The following PTPRN2 variants were observed in gnomAD, a reference collection of about 807,000 sequenced individuals.
PTPRN2 encodes the protein protein tyrosine phosphatase receptor type N2.
In PTPRN2, 74 loss-of-function variants were observed where a neutral mutation model predicts 118.8. That is an observed-to-expected ratio of 0.62 (90% CI 0.52 to 0.76). The LOEUF (loss-of-function observed/expected upper bound fraction) is 0.76, where lower values mean the gene tolerates loss of function less well. Among genes scored for constraint, PTPRN2 ranks in the 30% least tolerant of loss-of-function variants. The pLI is 0.00. For missense variants in PTPRN2, 1,481 were observed against 1,394.4 expected (o/e 1.06, Z -0.99); for synonymous variants, 641 against 608.0 (o/e 1.05, Z -0.80).
chr7:158,365,866 T>G (rs1809435320), intron 2 of PTPRN2, among the ~76,000 whole-genome samples: 2 of 40,222 alleles, frequency 5.0e-5, no homozygotes, highest in African/African-American at 7.3e-5. Flanking sequence ...ACACACAGCA[T>G]CCCTGGGAGA....
intron 15 of PTPRN2, among the ~76,000 whole-genome samples, chr7:157,607,225 A>C (rs1802055287): frequency 6.6e-6 from 1 of 152,190 alleles, no homozygotes; most frequent in Admixed American, 6.5e-5. Context: ...CCCCACACAC[A>C]CTACTCCAAA....
At chr7:158,307,437 G>A (rs137949719) in intron 3 of PTPRN2, among the ~76,000 whole-genome samples, 24 of 152,214 alleles carry the variant, frequency 1.6e-4, no homozygotes, top group African/African-American at 5.5e-4. Flanking sequence ...AGAAACCTGT[G>A]AGAGACCATC....
At chr7:158,314,868 A>G (rs1236892819) in intron 3 of PTPRN2, among the ~76,000 whole-genome samples, 1 of 148,422 alleles carries the variant, frequency 6.7e-6, no homozygotes, top group African/African-American at 2.5e-5. Flanking sequence ...CCCCTGTAGG[A>G]CAGAGGTGAA....
rs111823135 is a variant in PTPRN2, at chr7:158,125,563, G to C, written c.1556+8114C>G. 1.4e-3 allele frequency among the ~76,000 whole-genome samples: 218 copies of C among 152,126 alleles called. 1 individual carries two copies. Among genetic ancestry groups the C allele is most frequent in the African/African-American group, 4.6e-3 (192 of 41,488 alleles). ...GCAACCGTGAACATGTTTACCCATC[G>C]GGGCTATAACCCCACACCACCTGAA... On this transcript the variant is annotated intron_variant, in intron 9 of 22. Transcript: ENST00000389418.
At chr7:158,424,718 C>T (rs1476864415) in intron 2 of PTPRN2, among the ~76,000 whole-genome samples, 1 of 152,268 alleles carries the variant, frequency 6.6e-6, no homozygotes, top group African/African-American at 2.4e-5. Flanking sequence ...AGTGGCCATG[C>T]ATGTGCCGCA....
At chr7:157,820,421 A>C (rs1449751795) in intron 12 of PTPRN2, among the ~76,000 whole-genome samples, 1 of 151,016 alleles carries the variant, frequency 6.6e-6, no homozygotes, top group African/African-American at 2.4e-5. Context: ...TCACACATGC[A>C]CTCCACACAC....
At chr7:157,851,720 G>A (rs557485254) in intron 12 of PTPRN2, among the ~76,000 whole-genome samples, 3 of 152,366 alleles carry the variant, frequency 2.0e-5, no homozygotes, top group East Asian at 1.9e-4. Flanking sequence ...CAATCAGGCC[G>A]TGTGGAGGCA....
At chr7:158,296,230 T>C (rs4412322) in intron 3 of PTPRN2, among the ~76,000 whole-genome samples, 145,379 of 152,118 alleles carry the variant, frequency 0.96, 69,527 homozygotes, top group African/African-American at 0.97. Flanking sequence ...AAGACCCTAG[T>C]GGGCAAAGAC....
At chr7:157,637,372 A>G (rs1441251215) in intron 14 of PTPRN2, among the ~76,000 whole-genome samples, 1 of 152,232 alleles carries the variant, frequency 6.6e-6, no homozygotes, top group Non-Finnish European at 1.5e-5. Flanking sequence ...TAAAGTGAAC[A>G]GCAGCCCCTG....
chr7:157,921,246 G>T (rs1798677059), intron 11 of PTPRN2, among the ~76,000 whole-genome samples: 1 of 152,212 alleles, frequency 6.6e-6, no homozygotes, highest in Non-Finnish European at 1.5e-5. Context: ...CACACTGCAT[G>T]ATTCCAACGC....
At chr7:158,259,462 A>G (rs1484262965) in intron 3 of PTPRN2, among the ~76,000 whole-genome samples, 1 of 152,170 alleles carries the variant, frequency 6.6e-6, no homozygotes, top group Admixed American at 6.5e-5. Context: ...CCCCTGGGAA[A>G]AGCCTAAAGG....
intron 11 of PTPRN2, among the ~76,000 whole-genome samples, chr7:157,949,762 A>C (rs1183351167): frequency 2.0e-5 from 3 of 152,218 alleles, no homozygotes. Context: ...CAAACAGTAA[A>C]TTTATTTGAA....
rs1318844045 is a variant in PTPRN2 at position 158,092,258 on chromosome 7, G to A, written c.1644-10881C>T. 9.0e-5 allele frequency among the ~76,000 whole-genome samples: 13 copies of A among 144,134 alleles called. No individual in the cohort carries two copies. The East Asian group carries it at 2.7e-3, about 30-fold the overall frequency. 94.6% of individuals were successfully genotyped at this position (144,134 alleles called of 152,430 possible). A position where few individuals can be genotyped will look rare whatever the true frequency, so the allele number is the denominator to read the frequency against. ...TATATATGCATACATATATACATGT[G>A]CATATATATACATATATGTGTGTGT... On this transcript the variant is annotated intron_variant, in intron 10 of 22. Transcript: ENST00000389418.
chr7:158,530,436 G>A (rs139270991), intron 1 of PTPRN2, among the ~76,000 whole-genome samples: 240 of 152,302 alleles, frequency 1.6e-3, no homozygotes, highest in Admixed American at 2.7e-3. Flanking sequence ...GACATCCCAC[G>A]CCGGCCTCCC....
chr7:157,821,638 C>T (rs1806846596), intron 12 of PTPRN2, among the ~76,000 whole-genome samples: 1 of 152,180 alleles, frequency 6.6e-6, no homozygotes, highest in African/African-American at 2.4e-5. Context: ...ACCATGAAAT[C>T]ACAGCTGGCC....
intron 2 of PTPRN2, among the ~76,000 whole-genome samples, chr7:158,338,552 A>T (rs1413399844): frequency 6.1e-5 from 7 of 114,912 alleles, no homozygotes; most frequent in East Asian, 5.1e-4. Context: ...TCACCATAAG[A>T]GGTGACACCT....
rs1177460601 is a variant in PTPRN2, at chr7:158,093,925, T to C, written c.1644-12548A>G. 2.0e-5 allele frequency among the ~76,000 whole-genome samples: 3 copies of C among 152,188 alleles called. No homozygotes were observed. The highest frequency in any genetic ancestry group is 4.4e-5 in the Non-Finnish European group (3 of 68,034). ...CAAGCCTTAATGAAAACATAATTATTAATGATGCTTTATTTTCTTAAAGCA... is the reference window on the plus strand; with the variant it reads ...CAAGCCTTAATGAAAACATAATTATCAATGATGCTTTATTTTCTTAAAGCA... On this transcript the variant is annotated intron_variant, in intron 10 of 22. Coordinates refer to ENST00000389418, the MANE Select transcript of PTPRN2 (RefSeq NM_002847.5). This position sits in a 1 kb window ranked among gnomAD's most constrained non-coding sequence, Gnocchi z 4.4.
At chr7:158,149,211 G>C (rs907505496) in intron 6 of PTPRN2, among the ~76,000 whole-genome samples, 1 of 150,710 alleles carries the variant, frequency 6.6e-6, no homozygotes, top group Non-Finnish European at 1.5e-5. Context: ...ACGAGTGTCT[G>C]GGCTGACCTG....
intron 2 of PTPRN2, among the ~76,000 whole-genome samples, chr7:158,336,497 T>C (rs62481663): frequency 0.095 from 4,429 of 46,698 alleles, 5 homozygotes; most frequent in Middle Eastern, 0.16. Flanking sequence ...CGCCCGCAGA[T>C]GTCACTCACA....
Sources: gnomAD v4.1 joint callset for allele counts (sites outside exome capture counted in the v4.1 genomes callset) on GRCh38, gnomAD v4.1.1 for gene constraint, Gnocchi (gnomAD v3.1) non-coding constraint, MANE v1.5 for transcripts, NCBI Gene and HGNC (gene_info 2026-07-23, HGNC 2026-07-21) for gene names.